JAZF1: variants seen among roughly 807,000 people sequenced by gnomAD.
JAZF1 encodes JAZF zinc finger 1.
JAZF1 carries 8 observed loss-of-function variants against 26.4 expected under a neutral mutation model. The observed-to-expected ratio is 0.30, with a 90% CI of 0.18 to 0.55. JAZF1 has a LOEUF of 0.55. Among genes scored for constraint, JAZF1 ranks in the 20% least tolerant of loss-of-function variants. JAZF1 has a pLI of 0.94. For synonymous variants in JAZF1, 126 were observed against 122.3 expected (o/e 1.03, Z -0.20); for missense variants, 199 against 322.0 (o/e 0.62, Z 2.92).
rs972215690 is a variant in JAZF1 at position 28,008,950 on chromosome 7, A to G, written c.116-16969T>C. Among the ~76,000 whole-genome samples, 16 of 152,374 alleles carry G rather than the reference A, an allele frequency of 1.1e-4. 1 individual carries two copies. Among genetic ancestry groups the G allele is most frequent in the Middle Eastern group, 3.4e-3 (1 of 294 alleles). Reference sequence around the variant, plus strand: ...AACCAAGATACATTTAAATGATTTTATCACACATTCAAGTCAAATGCAAAA... The same window carrying G: ...AACCAAGATACATTTAAATGATTTTGTCACACATTCAAGTCAAATGCAAAA... On this transcript the variant is annotated intron_variant, in intron 1 of 4. Coordinates refer to ENST00000283928, the MANE Select transcript of JAZF1 (RefSeq NM_175061.4).
At chr7:28,055,461 C>T (rs76913536) in intron 1 of JAZF1, among the ~76,000 whole-genome samples, 8,636 of 152,158 alleles carry the variant, frequency 0.057, 407 homozygotes, top group African/African-American at 0.12. Flanking sequence ...CACTTTGGTG[C>T]GTGTGATTTC....
Position 27,935,596 on chromosome 7 carries a change from A to C in JAZF1, c.189-40180T>G, listed in dbSNP as rs560250616. Among the ~76,000 whole-genome samples the C allele has an allele frequency of 3.9e-4, 59 of 152,300 alleles. 1 individual carries two copies. Among genetic ancestry groups the C allele is most frequent in the Non-Finnish European group, 4.1e-4 (28 of 68,032 alleles). The stretch of plus-strand genomic sequence containing the variant: ...TGTACGTGGTTTGAGAGATGACAAA[A>C]ATATTCTAAAACTAGGTTGTATTGA... On this transcript the variant is annotated intron_variant, in intron 2 of 4. Coordinates refer to ENST00000283928, the MANE Select transcript of JAZF1 (RefSeq NM_175061.4).
rs148232825 is a variant in JAZF1, at chr7:27,974,651, A to T, written c.188+17258T>A. On this transcript the variant is annotated intron_variant, in intron 2 of 4. Coordinates refer to ENST00000283928, the MANE Select transcript of JAZF1 (RefSeq NM_175061.4). ...AAGTAGAGAGGCACATATTAGGTTC[A>T]TCTGAGGCTGAGGACTGGAGATGAT... 4.6e-3 allele frequency among the ~76,000 whole-genome samples: 708 copies of T among 152,310 alleles called. 9 individuals carry two copies. Among genetic ancestry groups the T allele is most frequent in the African/African-American group, 0.016 (677 of 41,562 alleles).
intron 1 of JAZF1, among the ~76,000 whole-genome samples, chr7:28,091,657 T>C (rs1251120544): frequency 6.7e-6 from 1 of 149,880 alleles, no homozygotes; most frequent in Non-Finnish European, 1.5e-5. Context: ...GACACACACA[T>C]ATATATGCAC....
At chr7:28,168,396 A>G (rs897593632) in intron 1 of JAZF1, among the ~76,000 whole-genome samples, 23 of 151,540 alleles carry the variant, frequency 1.5e-4, no homozygotes, top group African/African-American at 5.3e-4. Flanking sequence ...AAAAAAAAAA[A>G]AAAAAAAGAT....
chr7:27,998,748 T>G (rs1786073407), intron 1 of JAZF1, among the ~76,000 whole-genome samples: 1 of 152,234 alleles, frequency 6.6e-6, no homozygotes, highest in African/African-American at 2.4e-5. Context: ...TATTCACATT[T>G]GTAGCCTGAG....
At chr7:28,144,647 T>A (rs1043183984) in intron 1 of JAZF1, among the ~76,000 whole-genome samples, 1 of 152,114 alleles carries the variant, frequency 6.6e-6, no homozygotes, top group Non-Finnish European at 1.5e-5. Context: ...AATAATTAAA[T>A]CAAACACACA....
At chr7:27,859,709 G>C (rs1020522979) in intron 3 of JAZF1, among the ~76,000 whole-genome samples, 4 of 151,874 alleles carry the variant, frequency 2.6e-5, no homozygotes, top group African/African-American at 9.7e-5. Flanking sequence ...TCACACACCG[G>C]GGCCTGTTGG....
intron 1 of JAZF1, among the ~76,000 whole-genome samples, chr7:28,090,889 C>T (rs1157328689): frequency 4.1e-5 from 6 of 146,868 alleles, no homozygotes; most frequent in Non-Finnish European, 8.9e-5. Context: ...TGCAGTGGCG[C>T]GATCTCGGCT....
intron 1 of JAZF1, among the ~76,000 whole-genome samples, chr7:28,117,653 T>C (rs1784767973): frequency 3.3e-5 from 5 of 152,246 alleles, no homozygotes; most frequent in African/African-American, 1.2e-4. Context: ...TATTTGTGTG[T>C]AGACAGCAAC....
chr7:28,002,770 G>A (rs1397578810), intron 1 of JAZF1, among the ~76,000 whole-genome samples: 1 of 152,072 alleles, frequency 6.6e-6, no homozygotes, highest in Non-Finnish European at 1.5e-5. Context: ...ATAATGCTTA[G>A]AAACATGGCT....
At chr7:27,949,655 C>T (rs1488556975) in intron 2 of JAZF1, among the ~76,000 whole-genome samples, 1 of 152,116 alleles carries the variant, frequency 6.6e-6, no homozygotes, top group African/African-American at 2.4e-5. Flanking sequence ...CCCAGCTACT[C>T]GGGAGTCTGA....
chr7:28,020,562 C>T (rs868029539), intron 1 of JAZF1: 25 of 471,186 alleles, frequency 5.3e-5, no homozygotes, highest in African/African-American at 2.2e-4. Context: ...CGTTGTCCTA[C>T]GGCAGGCATG....
At chr7:27,898,824 C>G (rs1272623783) in intron 2 of JAZF1, among the ~76,000 whole-genome samples, 2 of 152,156 alleles carry the variant, frequency 1.3e-5, no homozygotes, top group East Asian at 1.9e-4. Flanking sequence ...GTCGCTAAGA[C>G]TTCCTCCTGC....
chr7:28,121,897 A>C (rs188592918), intron 1 of JAZF1, among the ~76,000 whole-genome samples: 1 of 152,314 alleles, frequency 6.6e-6, no homozygotes, highest in African/African-American at 2.4e-5. Context: ...CGAATCCCAT[A>C]ATCTTGGAAG....
intron 2 of JAZF1, among the ~76,000 whole-genome samples, chr7:27,915,099 T>A (rs1164562644): frequency 6.6e-6 from 1 of 152,126 alleles, no homozygotes; most frequent in Non-Finnish European, 1.5e-5. Context: ...ATTAAAAAAA[T>A]AATCACCATC....
intron 1 of JAZF1, among the ~76,000 whole-genome samples, chr7:27,997,616 T>C (rs1195081285): frequency 6.6e-6 from 1 of 152,128 alleles, no homozygotes; most frequent in East Asian, 1.9e-4. Context: ...TCAGCTGGAG[T>C]GCAATGGTGG....
intron 1 of JAZF1, among the ~76,000 whole-genome samples, chr7:28,097,859 C>A (rs1305426001): frequency 6.6e-6 from 1 of 152,212 alleles, no homozygotes; most frequent in Non-Finnish European, 1.5e-5. Flanking sequence ...AGCCACACAG[C>A]AATCTGCTTT....
At chr7:27,960,239 T>C (rs2128357014) in intron 2 of JAZF1, among the ~76,000 whole-genome samples, 1 of 152,336 alleles carries the variant, frequency 6.6e-6, no homozygotes, top group South Asian at 2.1e-4. Flanking sequence ...AATTCATGTG[T>C]CTCCTTTAAA....
Sources: gnomAD v4.1 joint callset for allele counts (sites outside exome capture counted in the v4.1 genomes callset) on GRCh38, gnomAD v4.1.1 for gene constraint, MANE v1.5 for transcripts, NCBI Gene and HGNC (gene_info 2026-07-23, HGNC 2026-07-21) for gene names.